The following COL24A1 variants were observed in gnomAD, a reference collection of about 807,000 sequenced individuals.
The protein encoded by COL24A1 is collagen type XXIV alpha 1 chain, also known as collagen alpha-1(XXIV) chain.
A neutral mutation model predicts 253.9 loss-of-function variants in COL24A1; 224 were observed. The ratio of observed to expected loss-of-function variants is 0.88; its 90% confidence interval spans 0.79 to 0.99. The LOEUF (loss-of-function observed/expected upper bound fraction) is 0.99. Among genes scored for constraint, COL24A1 ranks in the 50% least tolerant of loss-of-function variants. The pLI, the probability that COL24A1 is intolerant of heterozygous loss-of-function variation, is 0.00. For synonymous variants in COL24A1, 685 were observed against 673.7 expected (o/e 1.02, Z -0.26); for missense variants, 2,131 against 2,068.5 (o/e 1.03, Z -0.59).
chr1:85,806,007 C>T (rs566628507), intron 47 of COL24A1, among the ~76,000 whole-genome samples: 1 of 143,948 alleles, frequency 6.9e-6, no homozygotes, highest in South Asian at 2.2e-4. Flanking sequence ...ACCAAGGGGG[C>T]GGAGCTTGCA....
intron 50 of COL24A1, 122 bp downstream of exon 50, chr1:85,783,991 T>C: frequency 4.5e-6 from 3 of 668,610 alleles, no homozygotes; most frequent in South Asian, 2.8e-5. Flanking sequence ...AACTCAAATA[T>C]ATAAATATGT....
chr1:86,108,863 T>C (rs1035745206), intron 5 of COL24A1, among the ~76,000 whole-genome samples: 1 of 151,482 alleles, frequency 6.6e-6, no homozygotes. Flanking sequence ...CCACTGCAGA[T>C]TGAGAGTTAA....
chr1:86,135,900 A>G (rs1650169542), intron 2 of COL24A1, among the ~76,000 whole-genome samples: 1 of 151,960 alleles, frequency 6.6e-6, no homozygotes, highest in Admixed American at 6.6e-5. Context: ...CCTTTTGCTC[A>G]TTAATTCCTA....
intron 53 of COL24A1, among the ~76,000 whole-genome samples, chr1:85,769,978 T>C (rs928612360): frequency 3.9e-5 from 6 of 152,110 alleles, no homozygotes; most frequent in African/African-American, 1.4e-4. Flanking sequence ...GGAAACTATG[T>C]CCCAGCCACA....
chr1:86,047,047 C>A (rs1699960715), intron 11 of COL24A1, among the ~76,000 whole-genome samples, 178 bp from the exon 12 acceptor site: 1 of 152,180 alleles, frequency 6.6e-6, no homozygotes, highest in Non-Finnish European at 1.5e-5. Flanking sequence ...CAGCCCCTTT[C>A]CTTCTTCAAA....
chr1:85,770,629 T>C (rs1245921309), intron 53 of COL24A1, among the ~76,000 whole-genome samples: 1 of 152,208 alleles, frequency 6.6e-6, no homozygotes, highest in Admixed American at 6.6e-5. Context: ...ACTATCTATA[T>C]GTATCCTATA....
At chr1:85,941,955 C>T (rs1324359380) in intron 24 of COL24A1, among the ~76,000 whole-genome samples, 1 of 152,044 alleles carries the variant, frequency 6.6e-6, no homozygotes, top group Non-Finnish European at 1.5e-5. Flanking sequence ...AGTGATTGCA[C>T]AGCATAAATT....
At chr1:86,111,784 G>A (rs1274064239) in intron 5 of COL24A1, among the ~76,000 whole-genome samples, 7 of 151,968 alleles carry the variant, frequency 4.6e-5, no homozygotes, top group Non-Finnish European at 8.8e-5. Context: ...CGAACCCACC[G>A]GGAGGAATGA....
intron 6 of COL24A1, among the ~76,000 whole-genome samples, chr1:86,090,249 A>G (rs150299315): frequency 5.7e-4 from 87 of 152,334 alleles, no homozygotes; most frequent in African/African-American, 2.1e-3. Context: ...AGCTTTAGTC[A>G]TGAAGGAATC....
At chr1:85,732,741 T>G (rs1439454880) in intron 59 of COL24A1, among the ~76,000 whole-genome samples, 2 of 152,254 alleles carry the variant, frequency 1.3e-5, no homozygotes, top group Non-Finnish European at 2.9e-5. Context: ...GTGCCTTTAC[T>G]TTCATACCTA....
chr1:85,747,650 A>G (rs1196218789), intron 55 of COL24A1, among the ~76,000 whole-genome samples: 1 of 152,144 alleles, frequency 6.6e-6, no homozygotes, highest in Non-Finnish European at 1.5e-5. Flanking sequence ...TTGTTTTTGT[A>G]TTCAATTAGT....
At chr1:86,023,085 T>C (rs1233983118) in intron 14 of COL24A1, 78 bp from the exon 15 acceptor site, 3 of 1,399,550 alleles carry the variant, frequency 2.1e-6, no homozygotes, top group African/African-American at 1.4e-5. Flanking sequence ...ATTAATAAAT[T>C]AATGAACCCA....
chr1:86,049,210 A>C (rs1571739905), intron 11 of COL24A1, among the ~76,000 whole-genome samples: 2 of 152,334 alleles, frequency 1.3e-5, no homozygotes, highest in East Asian at 3.9e-4. Context: ...CATCTCACCA[A>C]AGATGGCTAG....
chr1:86,132,216 G>A (rs1649352602), intron 2 of COL24A1, among the ~76,000 whole-genome samples: 4 of 152,012 alleles, frequency 2.6e-5, no homozygotes, highest in Middle Eastern at 3.2e-3. Flanking sequence ...GGGGTTGTTT[G>A]TTTTTTTCTT....
At chr1:85,938,847 C>T (rs1481521360) in intron 24 of COL24A1, among the ~76,000 whole-genome samples, 1 of 118,036 alleles carries the variant, frequency 8.5e-6, no homozygotes, top group Non-Finnish European at 1.9e-5. Flanking sequence ...GTTACTTAAG[C>T]CTAGCATGGG....
At chr1:86,006,487 C>T (rs1347246735) in intron 19 of COL24A1, among the ~76,000 whole-genome samples, 2 of 152,162 alleles carry the variant, frequency 1.3e-5, no homozygotes, top group Admixed American at 6.5e-5. Flanking sequence ...TAGACACAGA[C>T]CTTACACCTG....
At chr1:85,879,312 G>T (rs1018886517) in intron 32 of COL24A1, among the ~76,000 whole-genome samples, 1 of 151,314 alleles carries the variant, frequency 6.6e-6, no homozygotes, top group African/African-American at 2.4e-5. Context: ...TTCACGTTTT[G>T]CATGTGGATA....
At position 86,148,618 on chromosome 1, in the gene COL24A1, T is replaced by C. The variant is rs545670794; in HGVS notation, c.57-2435A>G. Among the ~76,000 whole-genome samples the C allele has an allele frequency of 1.0e-3, 156 of 152,066 alleles. 2 individuals carry two copies. Among genetic ancestry groups the C allele is most frequent in the Admixed American group, 5.6e-3 (85 of 15,288 alleles). On this transcript the variant is annotated intron_variant, in intron 1 of 59. Coordinates refer to ENST00000370571, the MANE Select transcript of COL24A1 (RefSeq NM_152890.7). ...TGCAGTGTTTGGTTTTTTGTTCTTG[T>C]GGTAGTTTACTGAGAATGATGATTT...
chr1:85,783,711 C>T (rs7551256), intron 50 of COL24A1, among the ~76,000 whole-genome samples, 153 bp from the exon 51 acceptor site: 3,983 of 152,138 alleles, frequency 0.026, 62 homozygotes, highest in Middle Eastern at 0.082. Flanking sequence ...GTACTGAGGC[C>T]TACAATTTAC....
Sources: allele counts gnomAD v4.1 joint callset (sites outside exome capture counted in the v4.1 genomes callset), GRCh38; gene constraint gnomAD v4.1.1; transcripts MANE v1.5; gene names NCBI Gene and HGNC (gene_info 2026-07-23, HGNC 2026-07-21).